Variants in RPA3 observed in about 807,000 individuals in gnomAD.
The protein encoded by RPA3 is replication protein A 14 kDa subunit.
RPA3 carries 24 observed loss-of-function variants against 13.7 expected under a neutral mutation model. The observed-to-expected ratio is 1.75, with a 90% CI of 1.27 to 2.46. The LOEUF (loss-of-function observed/expected upper bound fraction) is 2.46. RPA3 is among the 30% of genes most tolerant of loss of function. The probability of loss-of-function intolerance (pLI) is 0.00; values close to 1 mark genes in which losing one functional copy is unlikely to be tolerated. For synonymous variants in RPA3, 59 were observed against 51.2 expected, an observed-to-expected ratio of 1.15 and a Z score of -0.65; for missense variants, 183 against 151.0, an observed-to-expected ratio of 1.21 and a Z score of -1.11.
intron 4 of RPA3, among the ~76,000 whole-genome samples, chr7:7,657,993 A>C (rs895157515): frequency 6.6e-6 from 1 of 152,130 alleles, no homozygotes; most frequent in African/African-American, 2.4e-5. Flanking sequence ...TTCCTTGAGC[A>C]GTGGTTTATA....
chr7:7,651,952 T>C (rs961524050), intron 4 of RPA3, among the ~76,000 whole-genome samples: 1 of 152,226 alleles, frequency 6.6e-6, no homozygotes, highest in African/African-American at 2.4e-5. Flanking sequence ...ACTGCCCTCC[T>C]GACTCCTCCC....
chr7:7,655,115 T>C lies in RPA3; in HGVS notation c.-757-13940A>G, dbSNP rs558734132. ...AATGATTCCAGACAGTTCCTGGTAG[T>C]AGATATCTTACATGCTAATGATGAG... On this transcript the variant is annotated intron_variant, in intron 4 of 7. Transcript: ENST00000223129. Among the ~76,000 whole-genome samples, 6 of 152,228 alleles carry C rather than the reference T, an allele frequency of 3.9e-5. No individual in the cohort carries two copies. The South Asian group carries it at 6.2e-4, about 16-fold the overall frequency.
Position 7,683,027 on chromosome 7 carries a change from G to A in RPA3, c.-758+2803C>T, listed in dbSNP as rs28915975. On this transcript the variant is annotated intron_variant, in intron 4 of 7. Transcript: ENST00000223129. ...GTTAGGTTAGGCCATCCCCGTGTGG[G>A]GTACACCACCCTTCCTTAACTCCTT... is the stretch of plus-strand genomic sequence containing the variant. Among the ~76,000 whole-genome samples, 1,319 of 152,262 alleles carry A rather than the reference G, an allele frequency of 8.7e-3. 11 individuals carry two copies. The highest frequency in any genetic ancestry group is 0.029 in the African/African-American group (1,203 of 41,546).
chr7:7,643,003 C>CATAGTGATCTAT (rs1484535529), intron 4 of RPA3, among the ~76,000 whole-genome samples: 5 of 152,060 alleles, frequency 3.3e-5, no homozygotes, highest in African/African-American at 1.2e-4. Context: ...GACGAATGTA[C>CATAGTGATCTAT]GTAGATCATA....
rs534852603 is a variant in RPA3, at chr7:7,663,763, C to T, written c.-758+22067G>A. On this transcript the variant is annotated intron_variant, in intron 4 of 7. Coordinates refer to ENST00000223129, the MANE Select transcript of RPA3 (RefSeq NM_002947.5). ...TGGATGCAAAATTGGTTAGTATCCCCGGGGCAATAACGAATGCATTTTACC... is the reference window on the plus strand; with the variant it reads ...TGGATGCAAAATTGGTTAGTATCCCTGGGGCAATAACGAATGCATTTTACC... Among the ~76,000 whole-genome samples, 14 of 152,128 alleles carry T rather than the reference C, an allele frequency of 9.2e-5. 1 individual carries two copies. Among genetic ancestry groups the T allele is most frequent in the African/African-American group, 2.4e-4 (10 of 41,490 alleles).
At chr7:7,696,440 T>C (rs964781163) in intron 2 of RPA3, among the ~76,000 whole-genome samples, 1 of 152,156 alleles carries the variant, frequency 6.6e-6, no homozygotes, top group African/African-American at 2.4e-5. Flanking sequence ...TTAGAAGTCC[T>C]GAGCTTAGCC....
At chr7:7,668,238 A>G (rs771069264) in intron 4 of RPA3, among the ~76,000 whole-genome samples, 6 of 152,142 alleles carry the variant, frequency 3.9e-5, no homozygotes, top group Non-Finnish European at 5.9e-5. Context: ...TACTTACACA[A>G]TGTGAATAAT....
Position 7,640,462 on chromosome 7 carries a change from CTGAAACTGTG to C in RPA3, c.-54_-45del. 2 of 1,581,940 alleles carry C rather than the reference CTGAAACTGTG, an allele frequency of 1.3e-6. No individual in the cohort carries two copies. Among genetic ancestry groups the C allele is most frequent in the South Asian group, 2.2e-5 (2 of 90,558 alleles). ...CGGCTGGCGGGAAACCCACGGACGA[CTGAAACTGTG>C]CGCCCCGCGGGTGTCTATGGGGCAG... On this transcript the variant is annotated 5_prime_UTR_variant, in exon 5 of 8. Coordinates refer to ENST00000223129, the MANE Select transcript of RPA3 (RefSeq NM_002947.5).
intron 4 of RPA3, chr7:7,676,343 T>TGATA (rs1204333737): frequency 2.3e-4 from 90 of 391,620 alleles, no homozygotes; most frequent in African/African-American, 1.8e-3. Flanking sequence ...GTGAGTGAGG[T>TGATA]AGTACTATTA....
intron 4 of RPA3, among the ~76,000 whole-genome samples, chr7:7,676,399 G>A (rs1330240378): frequency 4.6e-5 from 7 of 152,204 alleles, no homozygotes. Flanking sequence ...AGTTTCTCCA[G>A]TTAGTATGTA....
chr7:7,673,878 TTAAA>T lies in RPA3; in HGVS notation c.-758+11948_-758+11951del, dbSNP rs746560159. ...AAGTAGACTTTAAAATCTAAATATG[TTAAA>T]TAGTGTTTCCTGTTTAAGACTATTT... On this transcript the variant is annotated intron_variant, in intron 4 of 7. Coordinates refer to ENST00000223129, the MANE Select transcript of RPA3 (RefSeq NM_002947.5). 2.5e-4 allele frequency among the ~76,000 whole-genome samples: 38 copies of T among 152,338 alleles called. No individual in the cohort carries two copies. In the South Asian group the frequency reaches 4.6e-3, roughly 18 times the overall value.
At chr7:7,677,662 TTG>T (rs374430522) in intron 4 of RPA3, among the ~76,000 whole-genome samples, 536 of 34,180 alleles carry the variant, frequency 0.016, 2 homozygotes, top group East Asian at 0.059. Flanking sequence ...ATCTGTTTTT[TTG>T]TTTTTTTTTT....
intron 2 of RPA3, chr7:7,692,341 C>T (rs567115723): frequency 2.6e-5 from 4 of 152,160 alleles, no homozygotes; most frequent in Non-Finnish European, 4.4e-5. Flanking sequence ...TTCTTGTACT[C>T]CTGCAGACCA....
Position 7,665,055 on chromosome 7 carries a change from C to A in RPA3, c.-758+20775G>T. ...TTCATACACATGTATTTACATTATT[C>A]TGTCTATAGACAGTAGCTGCATCAA... On this transcript the variant is annotated intron_variant, in intron 4 of 7. Transcript: ENST00000223129. 1.3e-5 allele frequency among the ~76,000 whole-genome samples: 2 copies of A among 152,100 alleles called. 1 individual carries two copies. The highest frequency in any genetic ancestry group is 4.1e-4 in the South Asian group (2 of 4,826).
At chr7:7,675,942 A>G (rs1346400358) in intron 4 of RPA3, among the ~76,000 whole-genome samples, 2 of 151,938 alleles carry the variant, frequency 1.3e-5, no homozygotes, top group Non-Finnish European at 2.9e-5. Context: ...GCAAAGCTCC[A>G]CCCCTTCACC....
chr7:7,648,358 G>A (rs543161362), intron 4 of RPA3, among the ~76,000 whole-genome samples: 1 of 152,302 alleles, frequency 6.6e-6, no homozygotes, highest in East Asian at 1.9e-4. Flanking sequence ...ATTTGTGTTT[G>A]TGTTGGCCTG....
chr7:7,665,220 G>A (rs1779411271), intron 4 of RPA3, among the ~76,000 whole-genome samples: 1 of 152,098 alleles, frequency 6.6e-6, no homozygotes, highest in Non-Finnish European at 1.5e-5. Flanking sequence ...GGAAGCCTTG[G>A]AGTAATAGGA....
At chr7:7,706,689 A>G (rs1354541439) in intron 2 of RPA3, among the ~76,000 whole-genome samples, 2 of 152,192 alleles carry the variant, frequency 1.3e-5, no homozygotes, top group African/African-American at 4.8e-5. Context: ...TCTAACTCAC[A>G]GATGGGAAAA....
intron 2 of RPA3, among the ~76,000 whole-genome samples, chr7:7,702,547 CA>C (rs1348053149): frequency 6.6e-6 from 1 of 152,030 alleles, no homozygotes; most frequent in East Asian, 1.9e-4. Context: ...TTTTCATTTT[CA>C]TGTCATTTTC....
Sources: allele counts gnomAD v4.1 joint callset (sites outside exome capture counted in the v4.1 genomes callset), GRCh38; gene constraint gnomAD v4.1.1; transcripts MANE v1.5; gene names NCBI Gene and HGNC (gene_info 2026-07-23, HGNC 2026-07-21).